The following RPTOR variants were observed in gnomAD, a reference collection of about 807,000 sequenced individuals.
RPTOR encodes the protein regulatory associated protein of MTOR complex 1.
Under a neutral mutation model 169.9 loss-of-function variants are expected in RPTOR, and 21 were observed. The observed-to-expected ratio is 0.12, with a 90% CI of 0.09 to 0.18. RPTOR has a LOEUF of 0.18. RPTOR is among the 10% of genes least tolerant of loss of function. RPTOR has a pLI of 1.00. For synonymous variants in RPTOR, 732 were observed against 753.2 expected (o/e 0.97, Z 0.46); for missense variants, 1,133 against 1,855.9 (o/e 0.61, Z 7.16).
chr17:80,832,069 G>A (rs911366773), intron 9 of RPTOR, among the ~76,000 whole-genome samples: 3 of 152,216 alleles, frequency 2.0e-5, no homozygotes, highest in African/African-American at 4.8e-5. Flanking sequence ...AGGTGGATAC[G>A]GAGGGCATGC....
intron 3 of RPTOR, among the ~76,000 whole-genome samples, chr17:80,683,836 C>T (rs1472467739): frequency 2.0e-5 from 3 of 152,258 alleles, no homozygotes; most frequent in East Asian, 1.9e-4. Context: ...GGAGCAGCCT[C>T]ATATTCTACC....
chr17:80,887,966 A>G (rs2068269553), intron 17 of RPTOR, among the ~76,000 whole-genome samples: 1 of 152,192 alleles, frequency 6.6e-6, no homozygotes, highest in Non-Finnish European at 1.5e-5. Context: ...GTGCGGGGCT[A>G]GAACCCCCAG....
chr17:80,892,151 G>A (rs1272130420), intron 18 of RPTOR, among the ~76,000 whole-genome samples: 1 of 152,126 alleles, frequency 6.6e-6, no homozygotes, highest in Non-Finnish European at 1.5e-5. Context: ...GTCTTCCTGC[G>A]ATGAGTAATT....
At chr17:80,753,286 C>G (rs1034663276) in intron 5 of RPTOR, among the ~76,000 whole-genome samples, 1 of 152,190 alleles carries the variant, frequency 6.6e-6, no homozygotes, top group African/African-American at 2.4e-5. Context: ...ATCATATAAC[C>G]TGAACGTCTT....
Position 80,576,444 on chromosome 17 carries a change from T to C in RPTOR, c.162+30653T>C, listed in dbSNP as rs945840859. 2.0e-4 allele frequency among the ~76,000 whole-genome samples: 30 copies of C among 152,216 alleles called. 1 individual carries two copies. The highest frequency in any genetic ancestry group is 4.4e-5 in the Non-Finnish European group (3 of 68,038). On this transcript the variant is annotated intron_variant, in intron 1 of 33. Transcript: ENST00000306801. ...ACCCAAGACTTAGGAAATTATTTAA[T>C]CCGTTTGTTTCTTGTATGTGAGTAT...
At chr17:80,684,402 A>ATGTT (rs1313959049) in intron 3 of RPTOR, among the ~76,000 whole-genome samples, 16 of 131,016 alleles carry the variant, frequency 1.2e-4, no homozygotes, top group East Asian at 6.7e-4. Context: ...AAGGAGATAC[A>ATGTT]TGTTTATTTA....
At chr17:80,817,987 C>G (rs2067341209) in intron 7 of RPTOR, among the ~76,000 whole-genome samples, 1 of 152,180 alleles carries the variant, frequency 6.6e-6, no homozygotes, top group Non-Finnish European at 1.5e-5. Context: ...AAACCGCATG[C>G]CACAGGTGAG....
At chr17:80,700,789 G>A (rs1452326426) in intron 3 of RPTOR, among the ~76,000 whole-genome samples, 1 of 149,864 alleles carries the variant, frequency 6.7e-6, no homozygotes, top group African/African-American at 2.4e-5. Flanking sequence ...TGATGATGGT[G>A]GTGGTGGTGA....
intron 6 of RPTOR, among the ~76,000 whole-genome samples, chr17:80,786,010 T>C (rs1026052934): frequency 2.0e-5 from 3 of 152,128 alleles, no homozygotes; most frequent in Admixed American, 2.0e-4. Flanking sequence ...GAGGAGTGGC[T>C]AGGTGGGGTG....
intron 1 of RPTOR, among the ~76,000 whole-genome samples, chr17:80,598,729 G>A (rs2065162386): frequency 6.6e-6 from 1 of 152,200 alleles, no homozygotes; most frequent in Non-Finnish European, 1.5e-5. Context: ...CCTGCATGGA[G>A]CAGTGAATGG....
chr17:80,772,611 T>C (rs961336356), intron 6 of RPTOR, among the ~76,000 whole-genome samples: 27 of 131,274 alleles, frequency 2.1e-4, no homozygotes, highest in African/African-American at 7.3e-4. Flanking sequence ...GCTGCCCCCA[T>C]TCTCCTGCGG....
In RPTOR at chr17:80,860,328, C is replaced by T. The variant is rs1441155301; in HGVS notation, c.1509+2428C>T. On this transcript the variant is annotated intron_variant, in intron 13 of 33. Coordinates refer to ENST00000306801, the MANE Select transcript of RPTOR (RefSeq NM_020761.3). This position sits in a 1 kb window ranked among gnomAD's most constrained non-coding sequence, Gnocchi z 5.8. Reference sequence around the variant, plus strand: ...AGGCACTGGCAGGCACCCCGAGCCACAGGCTCGTACCCCGCACTGTGCGCT... The same window carrying T: ...AGGCACTGGCAGGCACCCCGAGCCATAGGCTCGTACCCCGCACTGTGCGCT... 6.6e-6 allele frequency among the ~76,000 whole-genome samples: 1 copy of T among 152,352 alleles called. No individual in the cohort carries two copies. The highest frequency in any genetic ancestry group is 2.1e-4 in the South Asian group (1 of 4,832).
chr17:80,668,875 TGTTTTAAA>T (rs1350997664), intron 3 of RPTOR, among the ~76,000 whole-genome samples: 1 of 152,256 alleles, frequency 6.6e-6, no homozygotes, highest in Non-Finnish European at 1.5e-5. Context: ...GAAGAACAAC[TGTTTTAAA>T]GGTCAGATTT....
In RPTOR at chr17:80,571,270, C is replaced by T. The variant is rs569164066; in HGVS notation, c.162+25479C>T. ...TGGTCTAATTGTTCTTTTCATTTAG[C>T]TATTTTGTTTAAGAAGGTCCTTTCT... On this transcript the variant is annotated intron_variant, in intron 1 of 33. Coordinates refer to ENST00000306801, the MANE Select transcript of RPTOR (RefSeq NM_020761.3). Among the ~76,000 whole-genome samples, 25 of 152,218 alleles carry T rather than the reference C, an allele frequency of 1.6e-4. No homozygotes were observed. In the South Asian group the frequency reaches 5.0e-3, roughly 30 times the overall value.
At chr17:80,548,379 T>TG in intron 1 of RPTOR, among the ~76,000 whole-genome samples, 1 of 136,300 alleles carries the variant, frequency 7.3e-6, no homozygotes, top group Admixed American at 7.3e-5. Flanking sequence ...TGGTTTTTTT[T>TG]TTTTTTTTTT....
rs539576076 is a variant in RPTOR, at chr17:80,555,486, G to T, written c.162+9695G>T. ...GTCTGTCTGGAGGAATGTCCACTCT[G>T]TCTGGCAAGGAGGAGGTGGCCAGAG... On this transcript the variant is annotated intron_variant, in intron 1 of 33. Transcript: ENST00000306801. 2.0e-5 allele frequency among the ~76,000 whole-genome samples: 3 copies of T among 152,186 alleles called. No individual in the cohort carries two copies. In the South Asian group the frequency reaches 6.2e-4, roughly 31 times the overall value.
intron 3 of RPTOR, among the ~76,000 whole-genome samples, chr17:80,665,735 T>C (rs1244266140): frequency 1.8e-4 from 28 of 151,794 alleles, no homozygotes; most frequent in African/African-American, 6.5e-4. Flanking sequence ...TTAGTAGAGA[T>C]GGGGTTTCAC....
chr17:80,734,173 A>G (rs1213599086), intron 5 of RPTOR, among the ~76,000 whole-genome samples: 2 of 151,780 alleles, frequency 1.3e-5, no homozygotes, highest in Non-Finnish European at 2.9e-5. Context: ...TTTCCTGGAC[A>G]TTTCCTCTTT....
Position 80,860,668 on chromosome 17 carries a change from G to A in RPTOR, c.1509+2768G>A, listed in dbSNP as rs561613436. Among the ~76,000 whole-genome samples the A allele has an allele frequency of 2.0e-5, 3 of 152,192 alleles. No homozygotes were observed. The highest frequency in any genetic ancestry group is 7.2e-5 in the African/African-American group (3 of 41,544). ...CGTACCCAGCACCAGTTGACCTCTC[G>A]CTGGTTCCGCTGATTCTTGTAGATT... On this transcript the variant is annotated intron_variant, in intron 13 of 33. Coordinates refer to ENST00000306801, the MANE Select transcript of RPTOR (RefSeq NM_020761.3). This position sits in a 1 kb window ranked among gnomAD's most constrained non-coding sequence, Gnocchi z 5.8.
Sources: allele counts gnomAD v4.1 joint callset (sites outside exome capture counted in the v4.1 genomes callset), GRCh38; gene constraint gnomAD v4.1.1; non-coding constraint Gnocchi (gnomAD v3.1); transcripts MANE v1.5; gene names NCBI Gene and HGNC (gene_info 2026-07-23, HGNC 2026-07-21).